Variants in ARHGAP22 observed in about 807,000 individuals in gnomAD.
ARHGAP22 encodes the protein Rho GTPase activating protein 22.
A neutral mutation model predicts 59.1 loss-of-function variants in ARHGAP22; 48 were observed. That is an observed-to-expected ratio of 0.81 (90% CI 0.64 to 1.03). The LOEUF (loss-of-function observed/expected upper bound fraction) is 1.03, where lower values mean the gene tolerates loss of function less well. Among genes scored for constraint, ARHGAP22 ranks in the 50% least tolerant of loss-of-function variants. The probability of loss-of-function intolerance (pLI) is 0.00; values close to 1 mark genes in which losing one functional copy is unlikely to be tolerated. For synonymous variants in ARHGAP22, 445 were observed against 416.4 expected (o/e 1.07, Z -0.84); for missense variants, 1,015 against 958.7 (o/e 1.06, Z -0.78).
At chr10:48,535,580 T>C (rs1278244245) in intron 3 of ARHGAP22, among the ~76,000 whole-genome samples, 1 of 152,140 alleles carries the variant, frequency 6.6e-6, no homozygotes, top group African/African-American at 2.4e-5. Context: ...GCAGGGAGGA[T>C]GGGAGGCGGA....
In ARHGAP22 at chr10:48,547,787, T is replaced by A. The variant is rs192984204; in HGVS notation, c.322+7676A>T. Among the ~76,000 whole-genome samples, 3 of 152,226 alleles carry A rather than the reference T, an allele frequency of 2.0e-5. No homozygotes were observed. The East Asian group carries it at 5.8e-4, about 29-fold the overall frequency. ...GTGGGGGGCCATCGGCTCGGTGCAA[T>A]GTTGTTGAAAAGGCATCCCGTCCTG... On this transcript the variant is annotated intron_variant, in intron 3 of 9. Coordinates refer to ENST00000249601, the MANE Select transcript of ARHGAP22 (RefSeq NM_021226.4).
At chr10:48,465,059 G>C (rs1421471818) in intron 4 of ARHGAP22, among the ~76,000 whole-genome samples, 1 of 152,132 alleles carries the variant, frequency 6.6e-6, no homozygotes, top group Non-Finnish European at 1.5e-5. Flanking sequence ...CCCCTCATCA[G>C]GGTCTCTCAG....
At chr10:48,577,346 C>T (rs1446468933) in intron 2 of ARHGAP22, among the ~76,000 whole-genome samples, 4 of 152,216 alleles carry the variant, frequency 2.6e-5, no homozygotes, top group African/African-American at 7.2e-5. Context: ...CTTGGTTCCT[C>T]AAATGAGAGT....
the ARHGAP22 span, among the ~76,000 whole-genome samples, chr10:48,439,830 C>G: frequency 6.6e-6 from 1 of 152,190 alleles, no homozygotes; most frequent in African/African-American, 2.4e-5. Context: ...GACGCCACTC[C>G]GTCTTGCACA....
intron 6 of ARHGAP22, 132 bp downstream of exon 6, chr10:48,454,870 C>T: frequency 8.0e-7 from 1 of 1,257,532 alleles, no homozygotes; most frequent in Non-Finnish European, 1.0e-6. Flanking sequence ...CCCACCACAC[C>T]CCCAACACAG....
intron 1 of ARHGAP22, among the ~76,000 whole-genome samples, chr10:48,593,678 C>G (rs1347398077): frequency 1.3e-5 from 2 of 152,216 alleles, no homozygotes; most frequent in African/African-American, 4.8e-5. Flanking sequence ...GAGTGGGACA[C>G]CACGCTACTC....
chr10:48,595,771 C>T (rs149016274), intron 1 of ARHGAP22, among the ~76,000 whole-genome samples: 199 of 152,256 alleles, frequency 1.3e-3, no homozygotes, highest in African/African-American at 4.6e-3. Context: ...CCTCCTGCCT[C>T]GGCTTCTGGA....
intron 1 of ARHGAP22, among the ~76,000 whole-genome samples, chr10:48,648,546 A>G (rs1335784396): frequency 1.3e-5 from 2 of 152,038 alleles, no homozygotes; most frequent in Non-Finnish European, 2.9e-5. Context: ...GGCAGGATCC[A>G]CCCCTCAACT....
Position 48,479,737 on chromosome 10 carries a change from G to A in ARHGAP22, c.350C>T (p.Pro117Leu), listed in dbSNP as rs1011636325. ...PGGAGEREKV[P>L]ANPEALLLMA... ...GAGCAGGAGCGCCTCGGGGTTGGCC[G>A]GCACCTTCTCCCGCTCCCCGGCACC... Residue 117 changes from proline (P) to leucine (L), a missense_variant, in exon 4 of 10, where the codon CCG (proline) becomes CTG (leucine). Pro to Leu is a moderately conservative substitution (Grantham distance 98, BLOSUM62 -3). Coordinates refer to ENST00000249601, the MANE Select transcript of ARHGAP22 (RefSeq NM_021226.4). 15 of 1,598,226 alleles carry A rather than the reference G, an allele frequency of 9.4e-6. No individual in the cohort carries two copies. Among genetic ancestry groups the A allele is most frequent in the Non-Finnish European group, 1.3e-5 (15 of 1,170,924 alleles).
At chr10:48,447,520 A>C (rs150074710) in intron 9 of ARHGAP22, among the ~76,000 whole-genome samples, 187 of 152,216 alleles carry the variant, frequency 1.2e-3, no homozygotes, top group African/African-American at 4.2e-3. Flanking sequence ...TCCTCAACCC[A>C]CCAAAACGAA....
upstream of ARHGAP22, chr10:48,605,082 G>A: frequency 1.5e-6 from 2 of 1,344,084 alleles, no homozygotes; most frequent in Non-Finnish European, 1.9e-6. Context: ...CTGGACCAGG[G>A]CGGGGCAGTC....
intron 2 of ARHGAP22, among the ~76,000 whole-genome samples, chr10:48,558,863 C>T (rs1301535004): frequency 2.0e-5 from 3 of 152,190 alleles, no homozygotes; most frequent in Non-Finnish European, 4.4e-5. Context: ...GAGGATGACA[C>T]CTTTTACATG....
At chr10:48,510,352 A>G (rs532741090) in intron 3 of ARHGAP22, among the ~76,000 whole-genome samples, 1 of 152,352 alleles carries the variant, frequency 6.6e-6, no homozygotes, top group South Asian at 2.1e-4. Context: ...AACAGAGAGC[A>G]CTGGGGCCTG....
intron 4 of ARHGAP22, among the ~76,000 whole-genome samples, chr10:48,461,429 T>C (rs940231178): frequency 1.3e-4 from 20 of 152,168 alleles, no homozygotes; most frequent in Admixed American, 6.5e-5. Context: ...TTATGACTTG[T>C]ATGCTTTTCT....
At chr10:48,594,596 A>G (rs925310770) in intron 1 of ARHGAP22, among the ~76,000 whole-genome samples, 10 of 152,024 alleles carry the variant, frequency 6.6e-5, no homozygotes, top group African/African-American at 2.4e-4. Context: ...CAGTCTTCCC[A>G]GGGGTGGGTG....
chr10:48,606,172 C>T (rs944570373), upstream of ARHGAP22, among the ~76,000 whole-genome samples: 1 of 152,294 alleles, frequency 6.6e-6, no homozygotes, highest in Non-Finnish European at 1.5e-5. Flanking sequence ...CCATAGCCTC[C>T]ATCTGACCCT....
chr10:48,623,151 T>A (rs1465402590), intron 1 of ARHGAP22, among the ~76,000 whole-genome samples: 2 of 152,198 alleles, frequency 1.3e-5, no homozygotes, highest in Admixed American at 6.5e-5. Flanking sequence ...GACAGTCCTA[T>A]CTTGTTCTCC....
intron 3 of ARHGAP22, among the ~76,000 whole-genome samples, chr10:48,497,001 C>T (rs2051006204): frequency 6.6e-6 from 1 of 152,108 alleles, no homozygotes; most frequent in African/African-American, 2.4e-5. Context: ...CCCACTGCTC[C>T]ATCCCCCAGG....
intron 1 of ARHGAP22, among the ~76,000 whole-genome samples, chr10:48,618,097 C>T (rs1317920282): frequency 1.3e-5 from 2 of 151,638 alleles, no homozygotes; most frequent in African/African-American, 4.8e-5. Context: ...TATTTTCAAA[C>T]CTAATGGAAA....
Sources: allele counts gnomAD v4.1 joint callset (sites outside exome capture counted in the v4.1 genomes callset), GRCh38; gene constraint gnomAD v4.1.1; transcripts MANE v1.5; gene names NCBI Gene and HGNC (gene_info 2026-07-23, HGNC 2026-07-21).